Variants in ANK1 observed in about 807,000 individuals in gnomAD.
ANK1 encodes the protein ankyrin 1.
Under a neutral mutation model 210.4 loss-of-function variants are expected in ANK1, and 51 were observed. That is an observed-to-expected ratio of 0.24 (90% confidence interval 0.19 to 0.31). The LOEUF (loss-of-function observed/expected upper bound fraction) is 0.31. Ranked by LOEUF, ANK1 falls within the 10% of genes least tolerant of loss-of-function variation. ANK1 has a pLI of 1.00. For missense variants in ANK1, 2,051 were observed against 2,504.4 expected, an observed-to-expected ratio of 0.82 and a Z score of 3.86; for synonymous variants, 967 against 1,025.9, an observed-to-expected ratio of 0.94 and a Z score of 1.10.
intron 41 of ANK1, 63 bp downstream of exon 41, chr8:41,661,813 C>A (rs762709205): frequency 6.2e-7 from 1 of 1,613,966 alleles, no homozygotes; most frequent in Non-Finnish European, 8.5e-7. Flanking sequence ...TGGAGTGTTT[C>A]ATAAAGTAAT....
intron 37 of ANK1, among the ~76,000 whole-genome samples, chr8:41,681,878 G>A (rs1023042600): frequency 2.0e-5 from 3 of 152,188 alleles, no homozygotes; most frequent in Non-Finnish European, 4.4e-5. Flanking sequence ...GCAGGGCATC[G>A]GTGCATGAGT....
At chr8:41,784,057 C>CA (rs34846355) in intron 1 of ANK1, among the ~76,000 whole-genome samples, 14,339 of 140,270 alleles carry the variant, frequency 0.1, 1,105 homozygotes, top group African/African-American at 0.22. Flanking sequence ...GACCCTATCT[C>CA]AAAAAAAAAA....
At chr8:41,724,263 T>A (rs1029751044) in intron 7 of ANK1, among the ~76,000 whole-genome samples, 193 bp downstream of exon 7, 1 of 152,054 alleles carries the variant, frequency 6.6e-6, no homozygotes, top group African/African-American at 2.4e-5. Context: ...AGTTTAGGGT[T>A]TTCTCAAGAC....
chr8:41,809,369 G>A (rs1802127669), intron 1 of ANK1, among the ~76,000 whole-genome samples: 1 of 152,216 alleles, frequency 6.6e-6, no homozygotes, highest in Admixed American at 6.5e-5. Context: ...AAATAACGTG[G>A]AGCAATTAGC....
intron 1 of ANK1, among the ~76,000 whole-genome samples, chr8:41,816,868 T>C (rs1459240107): frequency 6.6e-6 from 1 of 152,216 alleles, no homozygotes; most frequent in Admixed American, 6.5e-5. Flanking sequence ...TATCCAGAGA[T>C]AGAAAATATC....
At chr8:41,869,646 T>G (rs758484596) in intron 1 of ANK1, among the ~76,000 whole-genome samples, 1 of 152,140 alleles carries the variant, frequency 6.6e-6, no homozygotes. Flanking sequence ...ACCAGGACTG[T>G]GCTGAAAAAT....
intron 1 of ANK1, among the ~76,000 whole-genome samples, chr8:41,759,290 G>A (rs994494401): frequency 5.9e-5 from 9 of 152,172 alleles, no homozygotes; most frequent in Non-Finnish European, 1.0e-4. Context: ...GGTGGATCAC[G>A]AGGTCAAGAG....
chr8:41,696,965 C>T (rs896860273), intron 24 of ANK1, among the ~76,000 whole-genome samples, 192 bp from the exon 25 acceptor site: 1 of 152,182 alleles, frequency 6.6e-6, no homozygotes, highest in Non-Finnish European at 1.5e-5. Context: ...GAGCTTCCTC[C>T]CACCTCCATG....
At chr8:41,849,237 T>C (rs1321654551) in intron 1 of ANK1, among the ~76,000 whole-genome samples, 2 of 152,254 alleles carry the variant, frequency 1.3e-5, no homozygotes, top group Admixed American at 1.3e-4. Context: ...AAGGGACCTG[T>C]GCTCTTCTGA....
Position 41,653,474 on chromosome 8 carries a change from C to G in ANK1, c.*2316G>C, listed in dbSNP as rs1477309292. 2 of 152,788 alleles carry G rather than the reference C, an allele frequency of 1.3e-5. No individual in the cohort carries two copies. Among genetic ancestry groups the G allele is most frequent in the African/African-American group, 4.8e-5 (2 of 41,474 alleles). 9.5% of individuals were successfully genotyped at this position (152,788 alleles called of 1,614,324 possible). A position where few individuals can be genotyped will look rare whatever the true frequency, so the allele number is the denominator to read the frequency against. On this transcript the variant is annotated 3_prime_UTR_variant, in exon 43 of 43. Coordinates refer to ENST00000289734, the MANE Select transcript of ANK1 (RefSeq NM_000037.4). ...ACCCCAAACTCCTCCCCTAACGGCT[C>G]CTACTAGCAGCCGGAGCGTGCAGCC...
At chr8:41,877,879 G>C (rs1348532566) in intron 1 of ANK1, among the ~76,000 whole-genome samples, 1 of 152,196 alleles carries the variant, frequency 6.6e-6, no homozygotes, top group Non-Finnish European at 1.5e-5. Context: ...CAGAAGCCAG[G>C]TAGACGTGCC....
chr8:41,758,086 T>C lies in ANK1; in HGVS notation c.79A>G (p.Lys27Glu). 6.2e-7 allele frequency: 1 copy of C among 1,614,174 alleles called. No individual in the cohort carries two copies. Among genetic ancestry groups the C allele is most frequent in the Non-Finnish European group, 8.5e-7 (1 of 1,180,038 alleles). The change falls in exon 2 of 43, where the codon AAA (lysine) becomes GAA (glutamate). Residue 27 changes from lysine to glutamate, a missense_variant. By Grantham distance (56) the Lys-to-Glu change is moderately conservative. This residue lies in a region of ANK1 where 72 missense variants were observed against 133.5 expected (regional missense o/e 0.54). Transcript: ENST00000289734. Reference protein sequence around the residue: ...LRAARSGNLDKALDHLRNGVD... With the variant: ...LRAARSGNLDEALDHLRNGVD... ...CCATTCCGCAGGTGATCCAAAGCTT[T>C]GTCCAAGTTACCTGATCTTGCTGCT... is the stretch of plus-strand genomic sequence containing the variant.
At chr8:41,687,967 C>T (rs28497799) in intron 35 of ANK1, among the ~76,000 whole-genome samples, 189 bp downstream of exon 35, 2 of 152,210 alleles carry the variant, frequency 1.3e-5, no homozygotes, top group African/African-American at 4.8e-5. Flanking sequence ...GAGATGGAGG[C>T]AGGGGGCTCC....
chr8:41,727,418 C>T (rs1830987487), intron 4 of ANK1, 70 bp from the exon 5 acceptor site: 1 of 1,102,430 alleles, frequency 9.1e-7, no homozygotes, highest in Non-Finnish European at 1.4e-6. Flanking sequence ...AGCACAACGT[C>T]CTCTCACCTG....
At chr8:41,748,075 C>A (rs933883484) in intron 2 of ANK1, among the ~76,000 whole-genome samples, 1 of 152,176 alleles carries the variant, frequency 6.6e-6, no homozygotes, top group Non-Finnish European at 1.5e-5. Flanking sequence ...CTGCTCTAAC[C>A]AACTCTCAGG....
At chr8:41,894,700 G>A (rs1252862860) in intron 1 of ANK1, among the ~76,000 whole-genome samples, 2 of 152,182 alleles carry the variant, frequency 1.3e-5, no homozygotes, top group African/African-American at 4.8e-5. Context: ...CAGGAGGCAG[G>A]AATGGAAACA....
intron 1 of ANK1, among the ~76,000 whole-genome samples, chr8:41,852,992 C>G (rs1184179386): frequency 1.3e-5 from 2 of 152,172 alleles, no homozygotes; most frequent in Non-Finnish European, 2.9e-5. Flanking sequence ...TGTGGTGGCT[C>G]CTTTAAGCAG....
intron 37 of ANK1, among the ~76,000 whole-genome samples, chr8:41,682,674 G>A (rs78095756): frequency 0.018 from 2,785 of 152,332 alleles, 81 homozygotes; most frequent in African/African-American, 0.058. Flanking sequence ...GGGGTCTGTG[G>A]CCCGGGGAGA....
chr8:41,787,767 A>G (rs1464574307), intron 1 of ANK1, among the ~76,000 whole-genome samples: 1 of 152,084 alleles, frequency 6.6e-6, no homozygotes. Context: ...GTGGGCCATG[A>G]CCACAGCACT....
Sources: allele counts gnomAD v4.1 joint callset (sites outside exome capture counted in the v4.1 genomes callset), GRCh38; gene constraint gnomAD v4.1.1; regional missense constraint gnomAD v4.1.1; transcripts MANE v1.5; gene names NCBI Gene and HGNC (gene_info 2026-07-23, HGNC 2026-07-21).